Variants in UBR2 observed in about 807,000 individuals in gnomAD.
UBR2 encodes the protein E3 ubiquitin-protein ligase UBR2.
UBR2 carries 92 observed loss-of-function variants against 247.9 expected under a neutral mutation model. That is an observed-to-expected ratio of 0.37 (90% CI 0.31 to 0.44). The LOEUF (loss-of-function observed/expected upper bound fraction) is 0.44, where lower values mean the gene tolerates loss of function less well. UBR2 is among the 20% of genes least tolerant of loss of function. The pLI is 1.00. For synonymous variants in UBR2, 672 were observed against 693.5 expected, an observed-to-expected ratio of 0.97 and a Z score of 0.49; for missense variants, 1,613 against 2,112.6, an observed-to-expected ratio of 0.76 and a Z score of 4.64.
chr6:42,616,225 A>G, intron 10 of UBR2, 135 bp downstream of exon 10: 1 of 561,868 alleles, frequency 1.8e-6, no homozygotes, highest in Non-Finnish European at 2.9e-6. Flanking sequence ...AAACTTCATA[A>G]ATAATCTTTT....
Position 42,617,516 on chromosome 6 carries a change from T to G in UBR2, c.1281+9T>G. On this transcript the variant is annotated intron_variant, in intron 11 of 46. Coordinates refer to ENST00000372901, the MANE Select transcript of UBR2 (RefSeq NM_001363705.2). ...TCACGGTTCCTTCACTTGTAAGTAC[T>G]GAAAGACTAGAAGAACTTTCTTGTT... The G allele has an allele frequency of 1.3e-6, 2 of 1,550,062 alleles. No homozygotes were observed.
intron 21 of UBR2, 71 bp from the exon 22 acceptor site, chr6:42,648,047 G>C (rs1193167560): frequency 7.7e-7 from 1 of 1,303,646 alleles, no homozygotes; most frequent in African/African-American, 1.5e-5. Flanking sequence ...GGGTCAATGA[G>C]ATAAAACACA....
At chr6:42,650,068 C>T (rs930282770) in intron 22 of UBR2, among the ~76,000 whole-genome samples, 1 of 152,142 alleles carries the variant, frequency 6.6e-6, no homozygotes, top group African/African-American at 2.4e-5. Context: ...GTTCACTTGT[C>T]TAGTTAGGAT....
chr6:42,599,786 G>A (rs1793242029), intron 4 of UBR2, among the ~76,000 whole-genome samples: 3 of 151,982 alleles, frequency 2.0e-5, no homozygotes, highest in African/African-American at 7.3e-5. Context: ...CAGTAGCTGC[G>A]ACCACAGGCA....
chr6:42,603,090 A>G (rs1793491304), intron 4 of UBR2, among the ~76,000 whole-genome samples: 1 of 152,184 alleles, frequency 6.6e-6, no homozygotes, highest in Non-Finnish European at 1.5e-5. Flanking sequence ...GAGAAAGTAG[A>G]CAAGAGAGTG....
chr6:42,665,115 A>G (rs1031764138), intron 32 of UBR2, among the ~76,000 whole-genome samples: 1 of 152,250 alleles, frequency 6.6e-6, no homozygotes, highest in African/African-American at 2.4e-5. Context: ...CATAATAAGC[A>G]CTTGGTAGAT....
intron 4 of UBR2, among the ~76,000 whole-genome samples, chr6:42,599,448 T>TA (rs1305935290): frequency 2.0e-5 from 3 of 151,868 alleles, no homozygotes; most frequent in Non-Finnish European, 4.4e-5. Context: ...TTTAGAAAGA[T>TA]AAAAAAAACT....
Position 42,644,289 on chromosome 6 carries a change from A to G in UBR2, c.2173A>G (p.Ser725Gly), listed in dbSNP as rs1351210964. The change falls in exon 19 of 47, where the codon AGT becomes GGT. Residue 725 changes from serine to glycine, a missense_variant. Ser to Gly is a moderately conservative substitution (Grantham distance 56). Transcript: ENST00000372901. ...CCGCTTTGAACTTTATCAGATTTTC[A>G]GTACTCCAGACTATGGAAAAAGATT... is the stretch of plus-strand genomic sequence containing the variant. ...LSRFELYQIF[S>G]TPDYGKRFSS... 1 of 1,613,684 alleles carries G rather than the reference A, an allele frequency of 6.2e-7. No individual in the cohort carries two copies. Among genetic ancestry groups the G allele is most frequent in the East Asian group, 2.2e-5 (1 of 44,846 alleles).
At chr6:42,643,656 G>C (rs1479923483) in intron 18 of UBR2, among the ~76,000 whole-genome samples, 11 of 151,922 alleles carry the variant, frequency 7.2e-5, no homozygotes, top group Admixed American at 7.2e-4. Flanking sequence ...TATTAGTTCA[G>C]AATAAAATCT....
At chr6:42,644,108 C>T in intron 18 of UBR2, 106 bp from the exon 19 acceptor site, 2 of 1,166,650 alleles carry the variant, frequency 1.7e-6, no homozygotes, top group East Asian at 2.4e-5. Flanking sequence ...GATTGGTAAA[C>T]TGCTTTCTCT....
rs756097348 is a variant in UBR2 at position 42,641,698 on chromosome 6, T to G, written c.2031+6T>G. The G allele has an allele frequency of 6.2e-7, 1 of 1,601,014 alleles. No homozygotes were observed. The highest frequency in any genetic ancestry group is 8.5e-7 in the Non-Finnish European group (1 of 1,170,930). On this transcript the variant is annotated splice_donor_region_variant and intron_variant, in intron 17 of 46. Coordinates refer to ENST00000372901, the MANE Select transcript of UBR2 (RefSeq NM_001363705.2). ...GGTTCTCTCTAGTAAACCAGGTAAG[T>G]GTTTTCTAATTCTATGAAGAGTTTT...
At chr6:42,564,487 G>T in intron 1 of UBR2, 90 bp downstream of exon 1, 1 of 1,432,784 alleles carries the variant, frequency 7.0e-7, no homozygotes, top group Non-Finnish European at 9.4e-7. Context: ...GGAGCAGCCC[G>T]ACCCAGACTT....
chr6:42,568,896 A>G (rs568149849), intron 1 of UBR2, among the ~76,000 whole-genome samples: 13 of 152,330 alleles, frequency 8.5e-5, no homozygotes, highest in African/African-American at 2.9e-4. Flanking sequence ...CAAATGTTCC[A>G]ATGAGCACTT....
rs567227710 is a variant in UBR2, at chr6:42,580,638, C to T, written c.338+6645C>T. Among the ~76,000 whole-genome samples the T allele has an allele frequency of 1.9e-4, 29 of 152,100 alleles. No homozygotes were observed. In the East Asian group the frequency reaches 5.4e-3, roughly 28 times the overall value. On this transcript the variant is annotated intron_variant, in intron 2 of 46. Transcript: ENST00000372901. ...CACTGCAGCCTCCGCCTCCTGGGTTCAAGCGATTCTCCTGCTTCAGCCTCC... is the reference window on the plus strand; with the variant it reads ...CACTGCAGCCTCCGCCTCCTGGGTTTAAGCGATTCTCCTGCTTCAGCCTCC...
At chr6:42,685,498 T>A (rs1446836364) in intron 44 of UBR2, among the ~76,000 whole-genome samples, 2 of 149,940 alleles carry the variant, frequency 1.3e-5, no homozygotes, top group Non-Finnish European at 3.0e-5. Context: ...CGAGTCTCGC[T>A]CTGTTGCCCA....
At chr6:42,587,117 G>A (rs1398419689) in intron 2 of UBR2, among the ~76,000 whole-genome samples, 1 of 152,002 alleles carries the variant, frequency 6.6e-6, no homozygotes, top group Non-Finnish European at 1.5e-5. Flanking sequence ...ACCATGCCCG[G>A]CCAAAATGTT....
Position 42,573,730 on chromosome 6 carries a change from A to G in UBR2, c.79-4A>G, listed in dbSNP as rs1162338337. 4.0e-6 allele frequency: 6 copies of G among 1,506,852 alleles called. No homozygotes were observed. The highest frequency in any genetic ancestry group is 2.3e-5 in the Admixed American group (1 of 42,776). 93.3% of individuals were successfully genotyped at this position (1,506,852 alleles called of 1,614,324 possible). Reference sequence around the variant, plus strand: ...ACCATTTCTTCTCTTTTCTTCTTTTAAAGAAATGGCTGCAAGCAACTGACC... The same window carrying G: ...ACCATTTCTTCTCTTTTCTTCTTTTGAAGAAATGGCTGCAAGCAACTGACC... On this transcript the variant is annotated splice_region_variant and splice_polypyrimidine_tract_variant and intron_variant, in intron 1 of 46. Coordinates refer to ENST00000372901, the MANE Select transcript of UBR2 (RefSeq NM_001363705.2).
chr6:42,602,197 T>C (rs940035936), intron 4 of UBR2, among the ~76,000 whole-genome samples: 15 of 151,454 alleles, frequency 9.9e-5, no homozygotes, highest in African/African-American at 2.7e-4. Flanking sequence ...CTTTTTTTTT[T>C]TTCTTCTTTT....
chr6:42,566,589 C>A (rs1790791831), intron 1 of UBR2, among the ~76,000 whole-genome samples: 2 of 152,104 alleles, frequency 1.3e-5, no homozygotes, highest in African/African-American at 4.8e-5. Context: ...GGTTTCACCA[C>A]ATTGGCCAGG....
Sources: allele counts gnomAD v4.1 joint callset (sites outside exome capture counted in the v4.1 genomes callset), GRCh38; gene constraint gnomAD v4.1.1; transcripts MANE v1.5; gene names NCBI Gene and HGNC (gene_info 2026-07-23, HGNC 2026-07-21).